AK9: variants seen among roughly 807,000 people sequenced by gnomAD.
The protein encoded by AK9 is adenylate kinase 9.
In AK9, 191 loss-of-function variants were observed where a neutral mutation model predicts 239.6. That is an observed-to-expected ratio of 0.80 (90% CI 0.71 to 0.90). The LOEUF is 0.90. Among genes scored for constraint, AK9 ranks in the 40% least tolerant of loss-of-function variants. The pLI is 0.00. For missense variants in AK9, 1,995 were observed against 2,214.7 expected (o/e 0.90, Z 1.99); for synonymous variants, 689 against 721.0 (o/e 0.96, Z 0.71).
At position 109,674,237 on chromosome 6, in the gene AK9, G is replaced by T. The variant is rs765848267; in HGVS notation, c.142C>A (p.Arg48Ser). ...KPGVGKTTLA[R>S]YITQAWKCIR... ...CATTTCCATGCCTGTGTTATGTAAC[G>T]GGCTAATGTTGTTTTCCCAACACCC... Residue 48 changes from arginine (R) to serine (S), a missense_variant, in exon 3 of 41, where the codon CGT (arginine) becomes AGT (serine). Around this residue, in one of 5 missense-constraint regions of AK9, gnomAD observed 252 missense variants for 246.4 expected, o/e 1.02. Transcript: ENST00000424296. The T allele has an allele frequency of 6.3e-7, 1 of 1,584,780 alleles. No homozygotes were observed. Among genetic ancestry groups the T allele is most frequent in the Non-Finnish European group, 8.6e-7 (1 of 1,166,596 alleles).
chr6:109,543,437 TC>T (rs1562381070), intron 26 of AK9, among the ~76,000 whole-genome samples: 1 of 152,112 alleles, frequency 6.6e-6, no homozygotes, highest in Non-Finnish European at 1.5e-5. Context: ...AGTTAAAAAA[TC>T]TGGACTGACA....
chr6:109,510,019 C>T (rs1228837483), intron 32 of AK9, among the ~76,000 whole-genome samples: 3 of 152,056 alleles, frequency 2.0e-5, no homozygotes, highest in African/African-American at 7.2e-5. Context: ...TGGGGCCAAG[C>T]CCCAGGGGCC....
Position 109,588,365 on chromosome 6 carries a change from G to A in AK9, c.1843-2293C>T, listed in dbSNP as rs55771738. Among the ~76,000 whole-genome samples, 992 of 152,102 alleles carry A rather than the reference G, an allele frequency of 6.5e-3. 16 individuals are homozygous for A. The highest frequency in any genetic ancestry group is 0.021 in the African/African-American group (883 of 41,510). On this transcript the variant is annotated intron_variant, in intron 17 of 40. Transcript: ENST00000424296. ...ATTACAGGCGTGAGCCACCGCGCCC[G>A]GCTGTTTGCTGCCTTCTTGTATGTC...
chr6:109,555,520 A>G (rs1433943839), intron 24 of AK9, among the ~76,000 whole-genome samples: 1 of 152,228 alleles, frequency 6.6e-6, no homozygotes, highest in East Asian at 1.9e-4. Context: ...GTAGATGTCA[A>G]CTAGGTCCAC....
intron 17 of AK9, among the ~76,000 whole-genome samples, chr6:109,602,841 C>T (rs1362441004): frequency 6.6e-6 from 1 of 152,142 alleles, no homozygotes; most frequent in Non-Finnish European, 1.5e-5. Flanking sequence ...ATCACTGATA[C>T]CCTTTCTTCC....
At chr6:109,600,368 G>A (rs976576412) in intron 17 of AK9, among the ~76,000 whole-genome samples, 3 of 152,100 alleles carry the variant, frequency 2.0e-5, no homozygotes, top group African/African-American at 7.2e-5. Context: ...CTGTTTATAT[G>A]CTGGATCATG....
chr6:109,502,862 A>G (rs1364505380), intron 35 of AK9, among the ~76,000 whole-genome samples: 1 of 152,182 alleles, frequency 6.6e-6, no homozygotes, highest in Admixed American at 6.5e-5. Flanking sequence ...TTGAGCCTTC[A>G]GAAAAGACCA....
intron 17 of AK9, among the ~76,000 whole-genome samples, chr6:109,609,712 T>C (rs1793341261): frequency 6.6e-6 from 1 of 152,174 alleles, no homozygotes; most frequent in Non-Finnish European, 1.5e-5. Flanking sequence ...ATAGTAATTT[T>C]AAGTTAAATC....
At chr6:109,676,552 C>T (rs868220446) in intron 1 of AK9, among the ~76,000 whole-genome samples, 6 of 151,668 alleles carry the variant, frequency 4.0e-5, no homozygotes, top group Non-Finnish European at 4.4e-5. Flanking sequence ...AGTAAAATAG[C>T]ATGAGACATA....
intron 8 of AK9, 70 bp from the exon 9 acceptor site, chr6:109,644,758 T>C (rs1310214830): frequency 1.5e-6 from 2 of 1,297,900 alleles, no homozygotes; most frequent in Non-Finnish European, 1.1e-6. Flanking sequence ...ATCAGAATCT[T>C]AATATACTGT....
chr6:109,662,250 T>A (rs9374113), intron 6 of AK9, among the ~76,000 whole-genome samples: 88,556 of 151,788 alleles, frequency 0.58, 27,482 homozygotes, highest in East Asian at 0.84. Flanking sequence ...TGGAAGGGAG[T>A]GACAGAAAGA....
intron 2 of AK9, 100 bp from the exon 3 acceptor site, chr6:109,674,361 A>G (rs1771392085): frequency 1.3e-6 from 1 of 747,990 alleles, no homozygotes; most frequent in African/African-American, 1.8e-5. Flanking sequence ...TTACTATTAC[A>G]TCAATGTTAT....
intron 6 of AK9, among the ~76,000 whole-genome samples, chr6:109,660,275 G>A (rs922516361): frequency 1.4e-4 from 22 of 152,132 alleles, no homozygotes; most frequent in Non-Finnish European, 2.4e-4. Flanking sequence ...AAAAAATCTG[G>A]ATGGTTTTCT....
At chr6:109,592,698 G>GGCCTTCAAAA (rs1562462134) in intron 17 of AK9, among the ~76,000 whole-genome samples, 3 of 151,904 alleles carry the variant, frequency 2.0e-5, no homozygotes, top group Non-Finnish European at 2.9e-5. Context: ...CGCCCGCCTC[G>GGCCTTCAAAA]GCCTTCAAAA....
Position 109,623,203 on chromosome 6 carries a change from T to C in AK9, c.1255-3967A>G, listed in dbSNP as rs959988467. On this transcript the variant is annotated intron_variant, in intron 12 of 40. Coordinates refer to ENST00000424296, the MANE Select transcript of AK9 (RefSeq NM_001145128.3). ...TTCCTTTATCTGACACATATTATGA[T>C]GTGATGGGTTTAAAATAAGTCCACA... Among the ~76,000 whole-genome samples the C allele has an allele frequency of 2.0e-5, 3 of 152,296 alleles. No individual in the cohort carries two copies. The East Asian group carries it at 5.8e-4, about 29-fold the overall frequency.
At chr6:109,623,164 T>G (rs571207908) in intron 12 of AK9, among the ~76,000 whole-genome samples, 57 of 152,312 alleles carry the variant, frequency 3.7e-4, no homozygotes, top group African/African-American at 1.3e-3. Context: ...TCTTTTTATA[T>G]TTTAAAATGA....
At position 109,672,130 on chromosome 6, in the gene AK9, G is replaced by A. The variant is rs148625533; in HGVS notation, c.219C>T (p.Thr73=). ...GTTTGTTTACCATAACTCCTGATTC[G>A]GTTTCAGCAGCAATCTGTTCTTCTA... ...PILEEQIAAE[T]ESGVMLQSML... Residue 73 remains threonine, a synonymous_variant, in exon 4 of 41, where the codon ACC becomes ACT. Transcript: ENST00000424296. 2.5e-5 allele frequency: 40 copies of A among 1,613,104 alleles called. No homozygotes were observed. The African/African-American group carries it at 3.7e-4, about 15-fold the overall frequency.
chr6:109,544,304 G>A (rs950610518), intron 26 of AK9, among the ~76,000 whole-genome samples: 1 of 152,136 alleles, frequency 6.6e-6, no homozygotes, highest in Non-Finnish European at 1.5e-5. Flanking sequence ...AACTTTCATT[G>A]TATAACTCCA....
At chr6:109,628,608 C>T (rs911149029) in intron 12 of AK9, among the ~76,000 whole-genome samples, 2 of 152,158 alleles carry the variant, frequency 1.3e-5, no homozygotes, top group African/African-American at 4.8e-5. Context: ...GTTTTTAAAA[C>T]TTCCCATTCA....
Sources: gnomAD v4.1 joint callset for allele counts (sites outside exome capture counted in the v4.1 genomes callset) on GRCh38, gnomAD v4.1.1 for gene constraint, gnomAD v4.1.1 regional missense constraint, MANE v1.5 for transcripts, NCBI Gene and HGNC (gene_info 2026-07-23, HGNC 2026-07-21) for gene names.